Variants in TOM1L1 observed in about 807,000 individuals in gnomAD.
TOM1L1 encodes the protein target of myb1 like 1 membrane trafficking protein.
In TOM1L1, 64 loss-of-function variants were observed where a neutral mutation model predicts 63.4. That is an observed-to-expected ratio of 1.01 (90% confidence interval 0.83 to 1.24). TOM1L1 has a LOEUF of 1.24. TOM1L1 is among the 50% of genes most tolerant of loss of function. The pLI is 0.00. For missense variants in TOM1L1, 536 were observed against 567.0 expected (o/e 0.95, Z 0.55); for synonymous variants, 166 against 194.4 (o/e 0.85, Z 1.22).
At chr17:54,958,748 A>AAAAAAAAAAGG (rs372776781) in intron 14 of TOM1L1, among the ~76,000 whole-genome samples, 24 of 118,952 alleles carry the variant, frequency 2.0e-4, no homozygotes, top group Admixed American at 3.7e-4. Context: ...AAAAAAAAAA[A>AAAAAAAAAAGG]GGGGTTGTTG....
At chr17:54,915,691 A>G (rs2048575365) in intron 6 of TOM1L1, 55 bp from the exon 7 acceptor site, 3 of 1,239,236 alleles carry the variant, frequency 2.4e-6, no homozygotes, top group South Asian at 2.0e-5. Context: ...GGCAGGAAAC[A>G]AGGTAGTTAT....
At chr17:54,927,736 A>G (rs982351207) in intron 7 of TOM1L1, among the ~76,000 whole-genome samples, 10 of 152,252 alleles carry the variant, frequency 6.6e-5, no homozygotes, top group Middle Eastern at 6.8e-3. Context: ...CCTTTTGTCC[A>G]TGGTGCTTGA....
intron 7 of TOM1L1, among the ~76,000 whole-genome samples, chr17:54,926,794 T>C (rs577064020): frequency 2.0e-5 from 3 of 152,362 alleles, no homozygotes; most frequent in South Asian, 4.1e-4. Flanking sequence ...TGAGGCTGCA[T>C]ATGCAGAAAG....
At chr17:54,929,137 A>G (rs1293787236) in intron 7 of TOM1L1, among the ~76,000 whole-genome samples, 1 of 152,224 alleles carries the variant, frequency 6.6e-6, no homozygotes, top group East Asian at 1.9e-4. Flanking sequence ...ATGTACTATT[A>G]CACAGACAAA....
chr17:54,901,002 C>T (rs2048316851), intron 1 of TOM1L1, 79 bp downstream of exon 1: 2 of 1,593,928 alleles, frequency 1.3e-6, no homozygotes, highest in Admixed American at 3.4e-5. Flanking sequence ...TCTCGGCCTG[C>T]AGAGGACGGA....
At chr17:54,919,128 T>C (rs1185538229) in intron 7 of TOM1L1, among the ~76,000 whole-genome samples, 1 of 152,182 alleles carries the variant, frequency 6.6e-6, no homozygotes, top group South Asian at 2.1e-4. Flanking sequence ...ATCCTCTTTA[T>C]GTGGGATGTA....
intron 7 of TOM1L1, among the ~76,000 whole-genome samples, chr17:54,919,393 C>G (rs1180292805): frequency 6.6e-6 from 1 of 152,194 alleles, no homozygotes; most frequent in Non-Finnish European, 1.5e-5. Context: ...CTCTCATATT[C>G]TCATCCATCT....
intron 10 of TOM1L1, chr17:54,937,485 T>A (rs1424164720): frequency 1.8e-5 from 8 of 447,700 alleles, no homozygotes; most frequent in Non-Finnish European, 3.3e-5. Flanking sequence ...GCCTGCTTTG[T>A]AGAAGTTGTT....
chr17:54,955,357 G>A (rs1405432282), intron 14 of TOM1L1, among the ~76,000 whole-genome samples: 3 of 152,178 alleles, frequency 2.0e-5, no homozygotes, highest in African/African-American at 7.2e-5. Context: ...TGTTTCCTCA[G>A]AGAAAGCACA....
intron 4 of TOM1L1, 51 bp from the exon 5 acceptor site, chr17:54,913,697 T>C (rs1390623401): frequency 6.5e-7 from 1 of 1,535,766 alleles, no homozygotes; most frequent in Non-Finnish European, 8.8e-7. Flanking sequence ...AATTGTGTTT[T>C]GGTTTTGTTG....
Position 54,937,096 on chromosome 17 carries a change from G to GTTTTT in TOM1L1, c.916-13_916-12insTTTTT. 2 of 1,223,058 alleles carry GTTTTT rather than the reference G, an allele frequency of 1.6e-6. No individual in the cohort carries two copies. Among genetic ancestry groups the GTTTTT allele is most frequent in the Admixed American group, 2.8e-5 (1 of 35,206 alleles). 75.8% of individuals were successfully genotyped at this position (1,223,058 alleles called of 1,614,324 possible). On this transcript the variant is annotated splice_polypyrimidine_tract_variant and intron_variant, in intron 9 of 15. Transcript: ENST00000575882. ...CTACATGACACTTTTTTTTTTTTTT[G>GTTTTT]CTTTGTTTTCAGACTACCAGTGAGC...
At chr17:54,908,923 G>T (rs890148900) in intron 3 of TOM1L1, among the ~76,000 whole-genome samples, 3 of 152,106 alleles carry the variant, frequency 2.0e-5, no homozygotes, top group African/African-American at 7.2e-5. Flanking sequence ...TAATAATGAA[G>T]AAAAAGCTTG....
chr17:54,960,555 CTTTG>C lies in TOM1L1; in HGVS notation c.1371-7_1371-4del, dbSNP rs1426410562. The C allele has an allele frequency of 6.2e-7, 1 of 1,611,030 alleles. No homozygotes were observed. Among genetic ancestry groups the C allele is most frequent in the Non-Finnish European group, 8.5e-7 (1 of 1,178,028 alleles). On this transcript the variant is annotated splice_polypyrimidine_tract_variant and splice_region_variant and intron_variant, in intron 14 of 15. Coordinates refer to ENST00000575882, the MANE Select transcript of TOM1L1 (RefSeq NM_005486.3). ...ATACATAACCCTTTTGCTGTGATGG[CTTTG>C]TTTCAGAGCTATTTATGAAGAAATT...
chr17:54,936,430 G>GT (rs887838340), intron 8 of TOM1L1: 32 of 419,888 alleles, frequency 7.6e-5, no homozygotes, highest in East Asian at 2.9e-4. Flanking sequence ...TGGGTGATGA[G>GT]TTTTTTTTAA....
intron 14 of TOM1L1, among the ~76,000 whole-genome samples, chr17:54,955,390 T>C (rs996294696): frequency 5.9e-5 from 9 of 152,168 alleles, no homozygotes; most frequent in African/African-American, 1.9e-4. Context: ...GTAACCTTTG[T>C]ATCACTGCAT....
chr17:54,914,794 G>A (rs1412648366), intron 6 of TOM1L1, 51 bp downstream of exon 6: 3 of 1,405,624 alleles, frequency 2.1e-6, no homozygotes, highest in Non-Finnish European at 3.0e-6. Context: ...TGATTTGTAA[G>A]CACCTTATAT....
At chr17:54,945,629 T>G (rs1225894177) in intron 11 of TOM1L1, among the ~76,000 whole-genome samples, 5 of 152,216 alleles carry the variant, frequency 3.3e-5, no homozygotes, top group Non-Finnish European at 7.3e-5. Flanking sequence ...TCACCGACTG[T>G]TTCCTCTGTC....
intron 5 of TOM1L1, 32 bp downstream of exon 5, chr17:54,913,905 A>G (rs2048540164): frequency 1.3e-6 from 2 of 1,582,294 alleles, no homozygotes; most frequent in Non-Finnish European, 1.7e-6. Flanking sequence ...CATGGAGACT[A>G]TAGTAGTGTA....
intron 3 of TOM1L1, among the ~76,000 whole-genome samples, chr17:54,907,756 G>T (rs2048435520): frequency 6.6e-6 from 1 of 152,156 alleles, no homozygotes; most frequent in South Asian, 2.1e-4. Context: ...TAGGAGAATT[G>T]AGTAAGGAAG....
Sources: gnomAD v4.1 joint callset for allele counts (sites outside exome capture counted in the v4.1 genomes callset) on GRCh38, gnomAD v4.1.1 for gene constraint, MANE v1.5 for transcripts, NCBI Gene and HGNC (gene_info 2026-07-23, HGNC 2026-07-21) for gene names.